The following ITFG1 variants were observed in gnomAD, a reference collection of about 807,000 sequenced individuals.
ITFG1 encodes the protein T-cell immunomodulatory protein.
Under a neutral mutation model 81.8 loss-of-function variants are expected in ITFG1, and 34 were observed. The observed-to-expected ratio is 0.42, with a 90% confidence interval of 0.32 to 0.55. The LOEUF is 0.55. ITFG1 is among the 20% of genes least tolerant of loss of function. The probability of loss-of-function intolerance (pLI) is 0.17; values close to 1 mark genes in which losing one functional copy is unlikely to be tolerated. For missense variants in ITFG1, 672 were observed against 755.4 expected, an observed-to-expected ratio of 0.89 and a Z score of 1.29; for synonymous variants, 285 against 270.6, an observed-to-expected ratio of 1.05 and a Z score of -0.52.
At chr16:47,324,098 G>T (rs1967492103) in intron 8 of ITFG1, among the ~76,000 whole-genome samples, 1 of 152,026 alleles carries the variant, frequency 6.6e-6, no homozygotes, top group African/African-American at 2.4e-5. Flanking sequence ...AAAATGAAGA[G>T]AAATATTTCT....
At chr16:47,340,084 A>G (rs1458155688) in intron 8 of ITFG1, among the ~76,000 whole-genome samples, 1 of 152,142 alleles carries the variant, frequency 6.6e-6, no homozygotes, top group Non-Finnish European at 1.5e-5. Context: ...AAAACAGTAA[A>G]CCCAAAATTT....
intron 10 of ITFG1, among the ~76,000 whole-genome samples, chr16:47,302,096 T>A (rs1967085803): frequency 6.6e-6 from 1 of 152,194 alleles, no homozygotes; most frequent in African/African-American, 2.4e-5. Flanking sequence ...TATGGTGTGG[T>A]AAATTTGAAA....
chr16:47,255,117 T>G (rs1252715187), intron 12 of ITFG1, among the ~76,000 whole-genome samples: 4 of 152,070 alleles, frequency 2.6e-5, no homozygotes, highest in Non-Finnish European at 5.9e-5. Flanking sequence ...ACTGGCAAAA[T>G]TCAAATGAAA....
intron 8 of ITFG1, among the ~76,000 whole-genome samples, chr16:47,326,598 C>G (rs1219278137): frequency 6.6e-6 from 1 of 152,190 alleles, no homozygotes; most frequent in Non-Finnish European, 1.5e-5. Context: ...ACAAAATCTC[C>G]TTAAGCTGAT....
intron 8 of ITFG1, among the ~76,000 whole-genome samples, chr16:47,351,157 G>C (rs1223172197): frequency 1.3e-5 from 2 of 152,168 alleles, no homozygotes; most frequent in Non-Finnish European, 2.9e-5. Flanking sequence ...GCACAAGACA[G>C]GGATGCCCTC....
intron 13 of ITFG1, among the ~76,000 whole-genome samples, chr16:47,220,239 C>A (rs548708598): frequency 6.6e-6 from 1 of 152,290 alleles, no homozygotes; most frequent in South Asian, 2.1e-4. Flanking sequence ...TTACAAGAAA[C>A]CCCTGGGGGT....
At chr16:47,162,691 TA>T (rs1449632963) in intron 14 of ITFG1, 27 bp from the exon 15 acceptor site, 1 of 1,559,960 alleles carries the variant, frequency 6.4e-7, no homozygotes, top group Non-Finnish European at 8.7e-7. Flanking sequence ...AAAAAAAAAT[TA>T]AAAACATCTC....
chr16:47,188,084 A>C (rs1173113052), intron 14 of ITFG1, among the ~76,000 whole-genome samples: 1 of 151,714 alleles, frequency 6.6e-6, no homozygotes, highest in African/African-American at 2.4e-5. Flanking sequence ...CACCAGTTAG[A>C]ATGGCAATCA....
chr16:47,380,048 CAAAAAA>C (rs763213367), intron 6 of ITFG1, among the ~76,000 whole-genome samples: 6 of 49,104 alleles, frequency 1.2e-4, no homozygotes, highest in African/African-American at 3.2e-4. Context: ...CTTGGGTAGC[CAAAAAA>C]AAAAAAAAAA....
At chr16:47,298,241 G>T (rs1967014622) in intron 10 of ITFG1, among the ~76,000 whole-genome samples, 1 of 152,086 alleles carries the variant, frequency 6.6e-6, no homozygotes, top group South Asian at 2.1e-4. Flanking sequence ...TGATTCATCA[G>T]TACTGGTTTT....
intron 13 of ITFG1, among the ~76,000 whole-genome samples, chr16:47,222,922 A>G (rs1196495272): frequency 1.3e-5 from 2 of 152,184 alleles, no homozygotes; most frequent in African/African-American, 2.4e-5. Context: ...TATTTAGGAA[A>G]TAACGCCGTA....
chr16:47,299,181 A>G (rs1395214088), intron 10 of ITFG1, among the ~76,000 whole-genome samples: 1 of 152,200 alleles, frequency 6.6e-6, no homozygotes, highest in Non-Finnish European at 1.5e-5. Flanking sequence ...AGGTTAGACA[A>G]TGCTGTTTCC....
intron 14 of ITFG1, among the ~76,000 whole-genome samples, chr16:47,176,150 G>C (rs1264375604): frequency 6.6e-6 from 1 of 152,150 alleles, no homozygotes; most frequent in Non-Finnish European, 1.5e-5. Context: ...TGTGGCTATG[G>C]ACTAGCCTGT....
chr16:47,302,725 T>C (rs911118668), intron 10 of ITFG1, among the ~76,000 whole-genome samples: 5 of 152,244 alleles, frequency 3.3e-5, no homozygotes, highest in African/African-American at 9.6e-5. Context: ...TTCTCCGTAA[T>C]GCACCAGAAG....
chr16:47,376,166 T>C (rs1412792792), intron 6 of ITFG1, among the ~76,000 whole-genome samples: 1 of 152,170 alleles, frequency 6.6e-6, no homozygotes, highest in Non-Finnish European at 1.5e-5. Flanking sequence ...TTCAAGAATA[T>C]TCCTTATTTC....
intron 8 of ITFG1, among the ~76,000 whole-genome samples, chr16:47,329,412 G>C (rs1019364294): frequency 6.6e-6 from 1 of 152,062 alleles, no homozygotes; most frequent in Non-Finnish European, 1.5e-5. Flanking sequence ...CTTCCACTAA[G>C]GCCACAGTCT....
At chr16:47,253,481 C>G (rs796605708) in intron 12 of ITFG1, among the ~76,000 whole-genome samples, 6 of 152,242 alleles carry the variant, frequency 3.9e-5, no homozygotes, top group African/African-American at 1.4e-4. Context: ...TGAGCAGGAC[C>G]ATGATGTGTT....
chr16:47,380,048 C>CAAAAA (rs763213367), intron 6 of ITFG1, among the ~76,000 whole-genome samples: 6 of 49,084 alleles, frequency 1.2e-4, no homozygotes, highest in African/African-American at 3.8e-4. Context: ...CTTGGGTAGC[C>CAAAAA]AAAAAAAAAA....
chr16:47,433,199 A>G (rs1213383315), intron 5 of ITFG1, among the ~76,000 whole-genome samples: 2 of 152,256 alleles, frequency 1.3e-5, no homozygotes, highest in Non-Finnish European at 2.9e-5. Flanking sequence ...ACTCTAGAAA[A>G]GTGATAAATC....
Sources: allele counts gnomAD v4.1 joint callset (sites outside exome capture counted in the v4.1 genomes callset), GRCh38; gene constraint gnomAD v4.1.1; transcripts MANE v1.5; gene names NCBI Gene and HGNC (gene_info 2026-07-23, HGNC 2026-07-21).